HECTD4: variants seen among roughly 807,000 people sequenced by gnomAD.
HECTD4 encodes HECT domain E3 ubiquitin protein ligase 4.
In HECTD4, 114 loss-of-function variants were observed where a neutral mutation model predicts 471.5. That is an observed-to-expected ratio of 0.24 (90% CI 0.21 to 0.28). The LOEUF is 0.28. HECTD4 is among the 10% of genes least tolerant of loss of function. The probability of loss-of-function intolerance (pLI) is 1.00; values close to 1 mark genes in which losing one functional copy is unlikely to be tolerated. For missense variants in HECTD4, 3,866 were observed against 5,651.5 expected, an observed-to-expected ratio of 0.68 and a Z score of 10.13; for synonymous variants, 2,012 against 2,256.0, an observed-to-expected ratio of 0.89 and a Z score of 3.07.
At chr12:112,324,004 T>C (rs1467475582) in intron 1 of HECTD4, among the ~76,000 whole-genome samples, 1 of 45,482 alleles carries the variant, frequency 2.2e-5, no homozygotes, top group African/African-American at 2.3e-4. Context: ...CTTCCTTCCT[T>C]CCTTCCTTCC....
chr12:112,216,548 A>G (rs2032922953), intron 47 of HECTD4, among the ~76,000 whole-genome samples, 177 bp from the exon 48 acceptor site: 1 of 152,214 alleles, frequency 6.6e-6, no homozygotes, highest in Admixed American at 6.5e-5. Context: ...TTCCTAGAAT[A>G]AAGGGTTATA....
rs2032117099 is a variant in HECTD4 at position 112,192,628 on chromosome 12, G to A, written c.9224C>T (p.Ala3075Val). 1.9e-6 allele frequency: 3 copies of A among 1,609,670 alleles called. No homozygotes were observed. The highest frequency in any genetic ancestry group is 2.2e-5 in the East Asian group (1 of 44,822). The change falls in exon 59 of 76, where the codon GCA (alanine) becomes GTA (valine). Residue 3075 changes from alanine (A) to valine (V), a missense_variant. Physicochemically the swap from Ala to Val is moderately conservative, Grantham distance 64. This residue lies in a region of HECTD4 where 364 missense variants were observed against 413.2 expected (regional missense o/e 0.88). Coordinates refer to ENST00000682272, the MANE Select transcript of HECTD4 (RefSeq NM_001388303.1). ...RDASPANTGL[A>V]PPPTADQYPS... ...GTACTGGTCAGCGGTGGGGGGAGGT[G>A]CAAGCCCAGTGTTGGCTGGGGACGC... is the stretch of plus-strand genomic sequence containing the variant.
In HECTD4 at chr12:112,192,777, G is replaced by A. The variant is rs1370683054; in HGVS notation, c.9087-12C>T. 3 of 1,562,640 alleles carry A rather than the reference G, an allele frequency of 1.9e-6. No individual in the cohort carries two copies. In the East Asian group the frequency reaches 7.1e-5, roughly 37 times the overall value. The stretch of plus-strand genomic sequence containing the variant: ...TGTACAGAGAGGAGCTGAGAAGGAG[G>A]GATGGGTGGGTGTTAATACAGGGTC... On this transcript the variant is annotated splice_polypyrimidine_tract_variant and intron_variant, in intron 58 of 75. Coordinates refer to ENST00000682272, the MANE Select transcript of HECTD4 (RefSeq NM_001388303.1).
Position 112,235,057 on chromosome 12 carries a change from A to G in HECTD4, c.5915+20T>C. The G allele has an allele frequency of 6.4e-7, 1 of 1,552,004 alleles. No homozygotes were observed. The highest frequency in any genetic ancestry group is 1.2e-5 in the South Asian group (1 of 84,160). On this transcript the variant is annotated intron_variant, in intron 37 of 75. Transcript: ENST00000682272. This position sits in a 1 kb window ranked among gnomAD's most constrained non-coding sequence, Gnocchi z 5.0. Reference sequence around the variant, plus strand: ...GGGTGGTGCTTGAGGATGTGTAGCTATCACAATCATTATGGTCACCTTAGC... The same window carrying G: ...GGGTGGTGCTTGAGGATGTGTAGCTGTCACAATCATTATGGTCACCTTAGC...
chr12:112,286,004 T>C (rs917974784), intron 7 of HECTD4, among the ~76,000 whole-genome samples: 1 of 152,090 alleles, frequency 6.6e-6, no homozygotes, highest in Non-Finnish European at 1.5e-5. Context: ...AATCTGGCCC[T>C]ATGAGAAAAT....
chr12:112,177,647 T>G (rs1413026556), intron 64 of HECTD4, among the ~76,000 whole-genome samples: 1 of 152,252 alleles, frequency 6.6e-6, no homozygotes, highest in African/African-American at 2.4e-5. Flanking sequence ...CCCAAAGTGC[T>G]GGGATTATAG....
chr12:112,266,583 C>G (rs1046209603), intron 14 of HECTD4, among the ~76,000 whole-genome samples: 2 of 152,236 alleles, frequency 1.3e-5, no homozygotes, highest in Non-Finnish European at 2.9e-5. Context: ...TGGGCTGAAG[C>G]AATCCTCCTG....
intron 1 of HECTD4, among the ~76,000 whole-genome samples, chr12:112,347,594 T>A (rs2036179167): frequency 6.6e-6 from 1 of 152,140 alleles, no homozygotes; most frequent in Admixed American, 6.5e-5. Context: ...CAGGGAAACT[T>A]AAGGAATTTA....
At chr12:112,279,120 T>C (rs1260608847) in intron 9 of HECTD4, 108 bp downstream of exon 9, 7 of 928,240 alleles carry the variant, frequency 7.5e-6, no homozygotes, top group South Asian at 3.2e-5. Context: ...CAGAGAGCTA[T>C]TGCAAACAAC....
Position 112,250,181 on chromosome 12 carries a change from A to T in HECTD4, c.3913T>A (p.Ser1305Thr). 6.2e-7 allele frequency: 1 copy of T among 1,613,996 alleles called. No homozygotes were observed. The highest frequency in any genetic ancestry group is 8.5e-7 in the Non-Finnish European group (1 of 1,179,872). ...PGIMIKLREI[S>T]GRARPQFRPS... ...CTAAATTGAGGTCTAGCACGCCCAG[A>T]AATTTCCCTGAGCTTTATCATGATT... is the stretch of plus-strand genomic sequence containing the variant. The change falls in exon 25 of 76, where the codon TCT (serine) becomes ACT (threonine). Residue 1305 changes from serine (S) to threonine (T), a missense_variant. Ser to Thr is a moderately conservative substitution (Grantham distance 58). Coordinates refer to ENST00000682272, the MANE Select transcript of HECTD4 (RefSeq NM_001388303.1).
intron 49 of HECTD4, among the ~76,000 whole-genome samples, chr12:112,211,966 T>C (rs2032776388): frequency 6.6e-6 from 1 of 152,122 alleles, no homozygotes; most frequent in Admixed American, 6.6e-5. Flanking sequence ...GGGATAGAGA[T>C]ATGGATGTGG....
At chr12:112,350,036 C>T (rs1325863129) in intron 1 of HECTD4, among the ~76,000 whole-genome samples, 1 of 152,100 alleles carries the variant, frequency 6.6e-6, no homozygotes, top group Non-Finnish European at 1.5e-5. Flanking sequence ...CTCACTGCAG[C>T]CCCAAACTCC....
intron 1 of HECTD4, among the ~76,000 whole-genome samples, chr12:112,352,327 T>C (rs2135738216): frequency 6.6e-6 from 1 of 150,712 alleles, no homozygotes; most frequent in Admixed American, 6.7e-5. Flanking sequence ...TATCTGTGGA[T>C]GGAGCATCTT....
chr12:112,255,850 C>T (rs2033996271), intron 21 of HECTD4, among the ~76,000 whole-genome samples: 1 of 152,114 alleles, frequency 6.6e-6, no homozygotes, highest in Non-Finnish European at 1.5e-5. Context: ...AAAAAAAGAA[C>T]AAATGTTTAA....
chr12:112,226,462 TTAAAAG>T, intron 44 of HECTD4, 175 bp downstream of exon 44: 1 of 454,276 alleles, frequency 2.2e-6, no homozygotes, highest in Non-Finnish European at 3.9e-6. Flanking sequence ...CTGGTGTAGA[TTAAAAG>T]CTTTTTATTT....
At chr12:112,377,597 G>A (rs372146663) in intron 1 of HECTD4, among the ~76,000 whole-genome samples, 1 of 152,224 alleles carries the variant, frequency 6.6e-6, no homozygotes, top group African/African-American at 2.4e-5. Flanking sequence ...GAGGCCGGGT[G>A]CGGTGGCTCA....
chr12:112,318,424 G>C (rs2035527221), intron 2 of HECTD4, among the ~76,000 whole-genome samples: 1 of 151,928 alleles, frequency 6.6e-6, no homozygotes, highest in African/African-American at 2.4e-5. Context: ...GCCCAGGTTA[G>C]GGTGCAGTGG....
Position 112,274,879 on chromosome 12 carries a change from G to A in HECTD4, c.1769C>T (p.Ser590Leu). Residue 590 changes from serine to leucine, a missense_variant, in exon 10 of 76, where the codon TCA (serine) becomes TTA (leucine). By Grantham distance (145) the Ser-to-Leu change is moderately radical (BLOSUM62 -2). Coordinates refer to ENST00000682272, the MANE Select transcript of HECTD4 (RefSeq NM_001388303.1). ...TGGTACGAGAGCACCACGCCCCAGT[G>A]AGCTTCCAGCAGCATCTATGAGATC... The part of the protein sequence containing the change: ...RADLIDAAGS[S>L]LGRGALVPGL... 2 of 1,549,914 alleles carry A rather than the reference G, an allele frequency of 1.3e-6. No individual in the cohort carries two copies. The highest frequency in any genetic ancestry group is 1.4e-5 in the African/African-American group (1 of 73,138).
chr12:112,381,968 G>A lies in HECTD4; in HGVS notation c.161C>T (p.Ala54Val). The change falls in exon 1 of 76, where the codon GCG becomes GTG. Residue 54 changes from alanine to valine, a missense_variant. Physicochemically the swap from Ala to Val is moderately conservative, Grantham distance 64 (BLOSUM62 0). This residue lies in a region of HECTD4 where 440 missense variants were observed against 636.0 expected (regional missense o/e 0.69). Transcript: ENST00000682272. The surrounding 1 kb of genome is among the most constrained non-coding windows in gnomAD (Gnocchi z 4.1). ...PSEILGAPEA[A>V]DTDLEILTFE... ...CTCGCTCACCTCCAGGTCGGTGTCC[G>A]CGGCCTCTGGGGCCCCGAGGATCTC... The A allele has an allele frequency of 8.2e-7, 1 of 1,224,358 alleles. No individual in the cohort carries two copies. The highest frequency in any genetic ancestry group is 1.0e-6 in the Non-Finnish European group (1 of 983,114). The allele number at this position is 1,224,358 out of a possible 1,614,324, so 75.8% of individuals were successfully genotyped here. A position where few individuals can be genotyped will look rare whatever the true frequency, so the allele number is the denominator to read the frequency against.
Sources: allele counts gnomAD v4.1 joint callset (sites outside exome capture counted in the v4.1 genomes callset), GRCh38; gene constraint gnomAD v4.1.1; regional missense constraint gnomAD v4.1.1; non-coding constraint Gnocchi (gnomAD v3.1); transcripts MANE v1.5; gene names NCBI Gene and HGNC (gene_info 2026-07-23, HGNC 2026-07-21).